The following NEK11 variants were observed in gnomAD, a reference collection of about 807,000 sequenced individuals.
NEK11 encodes the protein NIMA related kinase 11, also known as serine/threonine-protein kinase Nek11.
A neutral mutation model predicts 80.7 loss-of-function variants in NEK11; 72 were observed. That is an observed-to-expected ratio of 0.89 (90% CI 0.74 to 1.08). NEK11 has a LOEUF of 1.08. NEK11 is among the 50% of genes least tolerant of loss of function. NEK11 has a pLI of 0.00. For missense variants in NEK11, 764 were observed against 763.6 expected (o/e 1.00, Z -0.01); for synonymous variants, 251 against 260.7 (o/e 0.96, Z 0.36).
chr3:131,154,812 T>TCCA lies in NEK11; in HGVS notation c.877-224_877-223insCCA, dbSNP rs2090367849. 19 of 499,780 alleles carry TCCA rather than the reference T, an allele frequency of 3.8e-5. No homozygotes were observed. In the South Asian group the frequency reaches 5.3e-4, roughly 14 times the overall value. 31.0% of individuals were successfully genotyped at this position (499,780 alleles called of 1,614,324 possible). ...CAAAAGGGAGTGAGAGAGCAAGCAG[T>TCCA]GCAAGATGAAGCTGGAGAGACAGGC... On this transcript the variant is annotated intron_variant, in intron 9 of 17. Transcript: ENST00000383366.
intron 7 of NEK11, among the ~76,000 whole-genome samples, chr3:131,149,169 A>G (rs13089657): frequency 0.43 from 65,499 of 151,644 alleles, 16,722 homozygotes; most frequent in Middle Eastern, 0.66. Context: ...AGTAGGCCCC[A>G]GTGTTTGTTG....
intron 14 of NEK11, among the ~76,000 whole-genome samples, chr3:131,225,131 A>G (rs188340084): frequency 7.3e-4 from 111 of 152,292 alleles, no homozygotes; most frequent in African/African-American, 2.5e-3. Context: ...TGCTCCATTC[A>G]TGGTAACAGC....
intron 17 of NEK11, among the ~76,000 whole-genome samples, chr3:131,339,984 T>C (rs1018545442): frequency 1.3e-5 from 2 of 152,204 alleles, no homozygotes; most frequent in African/African-American, 4.8e-5. Flanking sequence ...TTGAGGGACA[T>C]TCTAGCATCC....
intron 17 of NEK11, among the ~76,000 whole-genome samples, chr3:131,290,293 C>A (rs2096530389): frequency 6.6e-6 from 1 of 152,164 alleles, no homozygotes; most frequent in South Asian, 2.1e-4. Context: ...TGCACCTTCA[C>A]CAGTGTCAGG....
intron 15 of NEK11, among the ~76,000 whole-genome samples, chr3:131,231,736 T>C (rs775497514): frequency 6.6e-6 from 1 of 151,912 alleles, no homozygotes; most frequent in East Asian, 2.0e-4. Context: ...AACTCAGTCA[T>C]GGTCAACTTT....
chr3:131,138,971 C>T (rs1578937530), intron 7 of NEK11, among the ~76,000 whole-genome samples: 1 of 152,070 alleles, frequency 6.6e-6, no homozygotes, highest in Admixed American at 6.5e-5. Flanking sequence ...TGCCCAGGCA[C>T]TGATGAACAT....
intron 17 of NEK11, among the ~76,000 whole-genome samples, chr3:131,279,145 T>C (rs2096354156): frequency 1.3e-5 from 2 of 151,940 alleles, no homozygotes; most frequent in African/African-American, 2.4e-5. Context: ...CCAAGGAAGA[T>C]TGATCACCTG....
Position 131,287,335 on chromosome 3 carries a change from G to A in NEK11, c.1718+13761G>A, listed in dbSNP as rs34449468. On this transcript the variant is annotated intron_variant, in intron 17 of 17. Coordinates refer to ENST00000383366, the MANE Select transcript of NEK11 (RefSeq NM_024800.5). ...GTCATCCGGGCTGGGGTGCAGTGGT[G>A]TGATCTCAGCTCACTGCAACCTCCG... Among the ~76,000 whole-genome samples, 1,330 of 152,296 alleles carry A rather than the reference G, an allele frequency of 8.7e-3. 7 individuals carry two copies. The highest frequency in any genetic ancestry group is 0.012 in the Non-Finnish European group (818 of 68,024).
chr3:131,271,216 G>A (rs923819046), intron 16 of NEK11, among the ~76,000 whole-genome samples: 1 of 152,168 alleles, frequency 6.6e-6, no homozygotes, highest in South Asian at 2.1e-4. Context: ...GCTGGTACTT[G>A]TGTCTTTATC....
At chr3:131,095,806 T>G (rs1381109671) in intron 4 of NEK11, among the ~76,000 whole-genome samples, 1 of 152,138 alleles carries the variant, frequency 6.6e-6, no homozygotes, top group Non-Finnish European at 1.5e-5. Context: ...CTTCCAAAGT[T>G]GGTTTGAGGT....
chr3:131,298,714 G>C (rs1396681266), intron 17 of NEK11, among the ~76,000 whole-genome samples: 2 of 151,908 alleles, frequency 1.3e-5, no homozygotes, highest in South Asian at 2.1e-4. Context: ...GGTGGTGGTG[G>C]TAATGGTGGT....
intron 16 of NEK11, among the ~76,000 whole-genome samples, chr3:131,247,103 G>A (rs992200270): frequency 1.3e-5 from 2 of 152,054 alleles, no homozygotes; most frequent in Non-Finnish European, 2.9e-5. Context: ...CTTTTGCTGT[G>A]CAGAAGCTTT....
intron 5 of NEK11, among the ~76,000 whole-genome samples, chr3:131,117,319 T>A (rs1300690564): frequency 1.3e-5 from 2 of 152,246 alleles, no homozygotes; most frequent in Non-Finnish European, 2.9e-5. Context: ...GGCTCTGTTC[T>A]GTCCCATTGG....
At chr3:131,321,294 G>T (rs1481327035) in intron 17 of NEK11, among the ~76,000 whole-genome samples, 1 of 152,146 alleles carries the variant, frequency 6.6e-6, no homozygotes, top group African/African-American at 2.4e-5. Flanking sequence ...TAGCTGGCTA[G>T]CCATAGGCAG....
chr3:131,173,385 TATTTATGC>T (rs2092808385), intron 14 of NEK11, among the ~76,000 whole-genome samples: 1 of 152,108 alleles, frequency 6.6e-6, no homozygotes, highest in Non-Finnish European at 1.5e-5. Flanking sequence ...GAGCCATCAC[TATTTATGC>T]ATAGGAAGCC....
chr3:131,199,744 G>C (rs111473729), intron 14 of NEK11, among the ~76,000 whole-genome samples: 2,538 of 152,214 alleles, frequency 0.017, 66 homozygotes, highest in African/African-American at 0.058. Flanking sequence ...GGTAATGCCA[G>C]CAAGATTTCA....
intron 17 of NEK11, among the ~76,000 whole-genome samples, chr3:131,282,140 T>G: frequency 6.6e-6 from 1 of 152,140 alleles, no homozygotes; most frequent in Non-Finnish European, 1.5e-5. Context: ...AGATTTTTGT[T>G]TAAATTATCT....
At chr3:131,038,022 A>G (rs9683350) in intron 3 of NEK11, among the ~76,000 whole-genome samples, 23,379 of 152,050 alleles carry the variant, frequency 0.15, 1,858 homozygotes, top group Non-Finnish European at 0.17. Flanking sequence ...ATTTCTTTCT[A>G]TTTTGCCTTG....
intron 5 of NEK11, among the ~76,000 whole-genome samples, chr3:131,116,481 G>C (rs2081254113): frequency 6.6e-6 from 1 of 152,146 alleles, no homozygotes; most frequent in Admixed American, 6.5e-5. Context: ...AATCCTTTGG[G>C]TATATACCCA....
Sources: allele counts gnomAD v4.1 joint callset (sites outside exome capture counted in the v4.1 genomes callset), GRCh38; gene constraint gnomAD v4.1.1; transcripts MANE v1.5; gene names NCBI Gene and HGNC (gene_info 2026-07-23, HGNC 2026-07-21).